DEF6: variants seen among roughly 807,000 people sequenced by gnomAD.
DEF6 encodes the protein DEF6 guanine nucleotide exchange factor, also known as differentially expressed in FDCP 6 homolog.
A neutral mutation model predicts 80.5 loss-of-function variants in DEF6; 32 were observed. That is an observed-to-expected ratio of 0.40 (90% confidence interval 0.30 to 0.53). The LOEUF is 0.53. DEF6 is among the 20% of genes least tolerant of loss of function. DEF6 has a pLI of 0.57. For synonymous variants in DEF6, 300 were observed against 337.9 expected (o/e 0.89, Z 1.23); for missense variants, 575 against 818.7 (o/e 0.70, Z 3.63).
At position 35,300,568 on chromosome 6, in the gene DEF6, G is replaced by A. The variant is rs1339564158; in HGVS notation, c.96+2616G>A. On this transcript the variant is annotated intron_variant, in intron 1 of 10. Transcript: ENST00000316637. ...GGGTTGTTTCTCCTGGAAAAGAGAA[G>A]GCTTGAGGGAAAAACCAGATACTTC... Among the ~76,000 whole-genome samples the A allele has an allele frequency of 2.6e-5, 4 of 152,324 alleles. No homozygotes were observed. In the East Asian group the frequency reaches 5.8e-4, roughly 22 times the overall value.
chr6:35,311,244 C>A (rs1791463885), intron 3 of DEF6, among the ~76,000 whole-genome samples: 1 of 152,136 alleles, frequency 6.6e-6, no homozygotes, highest in Non-Finnish European at 1.5e-5. Flanking sequence ...CCCTCTTATC[C>A]TCACTTCCCT....
Position 35,318,575 on chromosome 6 carries a change from T to C in DEF6, c.1215+104T>C. On this transcript the variant is annotated intron_variant, in intron 7 of 10. Transcript: ENST00000316637. The surrounding 1 kb of genome is among the most constrained non-coding windows in gnomAD (Gnocchi z 5.1). Reference sequence around the variant, plus strand: ...CTGGGCAGAGGGCGGAGCTCCTGGGTTGAGGGGCGTGCACTGGGGTGGAGC... The same window carrying C: ...CTGGGCAGAGGGCGGAGCTCCTGGGCTGAGGGGCGTGCACTGGGGTGGAGC... 1.8e-6 allele frequency: 2 copies of C among 1,137,862 alleles called. No homozygotes were observed. The highest frequency in any genetic ancestry group is 4.2e-5 in the Admixed American group (1 of 23,736). The allele number at this position is 1,137,862 out of a possible 1,614,324, so 70.5% of individuals were successfully genotyped here.
In DEF6 at chr6:35,319,822, G is replaced by C; in HGVS notation, c.1386G>C (p.Leu462=). The change falls in exon 9 of 11, where the codon CTG becomes CTC. Residue 462 remains leucine (L), a synonymous_variant. Transcript: ENST00000316637. The surrounding 1 kb of genome is among the most constrained non-coding windows in gnomAD (Gnocchi z 4.5). The part of the protein sequence containing the change: ...EESVRIAQTR[L]LEEEEEKLKQ... Reference sequence around the variant, plus strand: ...ACAGTACACACTCACCCGGCAGACTGCTGGAAGAGGAGGAAGAGAAGCTGA... The same window carrying C: ...ACAGTACACACTCACCCGGCAGACTCCTGGAAGAGGAGGAAGAGAAGCTGA... 6.3e-7 allele frequency: 1 copy of C among 1,597,764 alleles called. No homozygotes were observed. The highest frequency in any genetic ancestry group is 8.5e-7 in the Non-Finnish European group (1 of 1,171,986).
chr6:35,310,358 TG>T, intron 2 of DEF6, 100 bp from the exon 3 acceptor site: 1 of 1,295,546 alleles, frequency 7.7e-7, no homozygotes, highest in Non-Finnish European at 1.1e-6. Flanking sequence ...CTTGGCCAGG[TG>T]GGGAGCAGGG....
intron 3 of DEF6, among the ~76,000 whole-genome samples, chr6:35,311,449 G>A (rs1791465851): frequency 6.6e-6 from 1 of 152,162 alleles, no homozygotes; most frequent in South Asian, 2.1e-4. Context: ...AACCACCCGA[G>A]CCCTGAACCA....
intron 1 of DEF6, among the ~76,000 whole-genome samples, chr6:35,299,779 C>T (rs1032404233): frequency 3.9e-5 from 6 of 151,900 alleles, no homozygotes; most frequent in African/African-American, 1.5e-4. Context: ...CAGTGGGAGT[C>T]TCAGGGGCCA....
intron 1 of DEF6, among the ~76,000 whole-genome samples, chr6:35,298,862 C>T (rs893462132): frequency 1.4e-4 from 21 of 152,284 alleles, no homozygotes; most frequent in African/African-American, 3.8e-4. Context: ...GAGTGCCCCT[C>T]GTGAGGCTCT....
rs1791483837 is a variant in DEF6, at chr6:35,312,708, T to G, written c.743T>G (p.Phe248Cys). The G allele has an allele frequency of 6.2e-7, 1 of 1,613,278 alleles. No homozygotes were observed. Among genetic ancestry groups the G allele is most frequent in the Non-Finnish European group, 8.5e-7 (1 of 1,179,720 alleles). The change falls in exon 5 of 11, where the codon TTT becomes TGT. Residue 248 changes from phenylalanine (F) to cysteine (C), a missense_variant. Coordinates refer to ENST00000316637, the MANE Select transcript of DEF6 (RefSeq NM_022047.4). This position sits in a 1 kb window ranked among gnomAD's most constrained non-coding sequence, Gnocchi z 6.6. ...CTGCAGCCCAGCTGCCTCTGCTACT[T>G]TGGGAGTGAAGAGTGCAAAGAGAAA... is the stretch of plus-strand genomic sequence containing the variant. ...FQLQPSCLCY[F>C]GSEECKEKRG...
Position 35,319,504 on chromosome 6 carries a change from A to G in DEF6, c.1216-20A>G, listed in dbSNP as rs1335264205. ...CCCCTTTTGACCTGGCTCTTGGTCC[A>G]CCACCTCCCCCCTCCACAGGCCCGG... On this transcript the variant is annotated intron_variant, in intron 7 of 10. Coordinates refer to ENST00000316637, the MANE Select transcript of DEF6 (RefSeq NM_022047.4). The surrounding 1 kb of genome is among the most constrained non-coding windows in gnomAD (Gnocchi z 4.5). The G allele has an allele frequency of 2.1e-6, 3 of 1,422,890 alleles. No individual in the cohort carries two copies. Among genetic ancestry groups the G allele is most frequent in the African/African-American group, 1.6e-5 (1 of 61,232 alleles). The allele number at this position is 1,422,890 out of a possible 1,614,324, so 88.1% of individuals were successfully genotyped here.
chr6:35,313,963 G>T (rs905499765), intron 5 of DEF6, among the ~76,000 whole-genome samples: 1 of 152,180 alleles, frequency 6.6e-6, no homozygotes, highest in African/African-American at 2.4e-5. Flanking sequence ...ATACCCAGCA[G>T]TGGAACTTCT....
rs1037290052 is a variant in DEF6, at chr6:35,312,930, A to G, written c.807+158A>G. On this transcript the variant is annotated intron_variant, in intron 5 of 10. Coordinates refer to ENST00000316637, the MANE Select transcript of DEF6 (RefSeq NM_022047.4). The surrounding 1 kb of genome is among the most constrained non-coding windows in gnomAD (Gnocchi z 6.6). Reference sequence around the variant, plus strand: ...TGACCCAAATATATCCGGATGCCTCAAGGCCATTCTCATCCACGTCAGCAC... The same window carrying G: ...TGACCCAAATATATCCGGATGCCTCGAGGCCATTCTCATCCACGTCAGCAC... Among the ~76,000 whole-genome samples the G allele has an allele frequency of 6.6e-6, 1 of 152,196 alleles. No individual in the cohort carries two copies. Among genetic ancestry groups the G allele is most frequent in the African/African-American group, 2.4e-5 (1 of 41,446 alleles).
intron 1 of DEF6, among the ~76,000 whole-genome samples, chr6:35,303,777 G>A (rs1791347510): frequency 6.6e-6 from 1 of 151,108 alleles, no homozygotes; most frequent in Non-Finnish European, 1.5e-5. Flanking sequence ...CGGGTGGATC[G>A]CTTCAGCCCA....
Position 35,310,533 on chromosome 6 carries a change from G to A in DEF6, c.312G>A (p.Arg104=). The A allele has an allele frequency of 6.2e-7, 1 of 1,614,138 alleles. No homozygotes were observed. Among genetic ancestry groups the A allele is most frequent in the South Asian group, 1.1e-5 (1 of 91,082 alleles). Residue 104 remains arginine, a synonymous_variant, in exon 3 of 11, where the codon CGG becomes CGA. Transcript: ENST00000316637. ...CGCTGACGGCCAAGAAGAACTATCG[G>A]GCAGATAGCAACGGGAACAGTATGC... ...CWTLTAKKNY[R]ADSNGNSMLS...
At chr6:35,298,030 C>T (rs1791262947) in intron 1 of DEF6, 78 bp downstream of exon 1, 1 of 1,254,624 alleles carries the variant, frequency 8.0e-7, no homozygotes, top group East Asian at 2.5e-5. Flanking sequence ...CAGGTGTGGA[C>T]ACTGTGCCAC....
intron 1 of DEF6, among the ~76,000 whole-genome samples, chr6:35,301,066 G>T (rs1303160143): frequency 6.6e-6 from 1 of 152,128 alleles, no homozygotes; most frequent in Non-Finnish European, 1.5e-5. Flanking sequence ...GTAGACAGGG[G>T]CCTTCCAGTC....
Position 35,321,449 on chromosome 6 carries a change from C to A in DEF6, c.*39C>A. 1 of 1,576,936 alleles carries A rather than the reference C, an allele frequency of 6.3e-7. No homozygotes were observed. Among genetic ancestry groups the A allele is most frequent in the Non-Finnish European group, 8.7e-7 (1 of 1,151,128 alleles). On this transcript the variant is annotated 3_prime_UTR_variant, in exon 11 of 11. Coordinates refer to ENST00000316637, the MANE Select transcript of DEF6 (RefSeq NM_022047.4). ...CTTGTTCTTCCCAATGTCATATCCA[C>A]CAGGACCTGGCCACAGCTGGCCTGT...
In DEF6 at chr6:35,318,218, T is replaced by C. The variant is rs1475691062; in HGVS notation, c.962T>C (p.Leu321Pro). 2 of 1,595,284 alleles carry C rather than the reference T, an allele frequency of 1.3e-6. No individual in the cohort carries two copies. Among genetic ancestry groups the C allele is most frequent in the Admixed American group, 3.6e-5 (2 of 56,296 alleles). ...IRLQAEGKTS[L>P]HKDLKQKRRE... The stretch of plus-strand genomic sequence containing the variant: ...CTGCAGGCCGAGGGGAAGACGTCCC[T>C]ACACAAGGACCTGAAGCAGAAACGG... The change falls in exon 7 of 11, where the codon CTA becomes CCA. Residue 321 changes from leucine to proline, a missense_variant. Leu to Pro is a moderately conservative substitution (Grantham distance 98, BLOSUM62 -3). Coordinates refer to ENST00000316637, the MANE Select transcript of DEF6 (RefSeq NM_022047.4). The surrounding 1 kb of genome is among the most constrained non-coding windows in gnomAD (Gnocchi z 5.1).
At chr6:35,316,552 C>T (rs1791527223) in intron 5 of DEF6, among the ~76,000 whole-genome samples, 1 of 152,096 alleles carries the variant, frequency 6.6e-6, no homozygotes, top group Non-Finnish European at 1.5e-5. Context: ...TCATAGATAG[C>T]GTTTATTATT....
At chr6:35,299,855 G>A (rs1791292478) in intron 1 of DEF6, among the ~76,000 whole-genome samples, 1 of 152,120 alleles carries the variant, frequency 6.6e-6, no homozygotes, top group South Asian at 2.1e-4. Context: ...TGGAAGAGGA[G>A]GAAGTAGTGA....
Sources: gnomAD v4.1 joint callset for allele counts (sites outside exome capture counted in the v4.1 genomes callset) on GRCh38, gnomAD v4.1.1 for gene constraint, Gnocchi (gnomAD v3.1) non-coding constraint, MANE v1.5 for transcripts, NCBI Gene and HGNC (gene_info 2026-07-23, HGNC 2026-07-21) for gene names.